NAV3: variants seen among roughly 807,000 people sequenced by gnomAD.
NAV3 encodes pore membrane and/or filament interacting like protein 1.
Under a neutral mutation model 244.7 loss-of-function variants are expected in NAV3, and 87 were observed. That is an observed-to-expected ratio of 0.36 (90% confidence interval 0.30 to 0.42). The LOEUF (loss-of-function observed/expected upper bound fraction) is 0.42, where lower values mean the gene tolerates loss of function less well. Among genes scored for constraint, NAV3 ranks in the 20% least tolerant of loss-of-function variants. The pLI, the probability that NAV3 is intolerant of heterozygous loss-of-function variation, is 1.00. For synonymous variants in NAV3, 1,126 were observed against 1,042.2 expected, an observed-to-expected ratio of 1.08 and a Z score of -1.55; for missense variants, 2,663 against 2,893.3, an observed-to-expected ratio of 0.92 and a Z score of 1.83.
At chr12:77,938,119 G>T (rs568636067) in intron 1 of NAV3, among the ~76,000 whole-genome samples, 2 of 152,192 alleles carry the variant, frequency 1.3e-5, no homozygotes, top group African/African-American at 4.8e-5. Flanking sequence ...CCCAGTCTTT[G>T]CCTATGGACA....
intron 2 of NAV3, among the ~76,000 whole-genome samples, chr12:77,625,861 A>G (rs1871597787): frequency 1.3e-5 from 2 of 152,230 alleles, no homozygotes; most frequent in African/African-American, 4.8e-5. Flanking sequence ...GTGCTTATAT[A>G]TCAACATAAG....
intron 12 of NAV3, among the ~76,000 whole-genome samples, chr12:78,075,342 A>G (rs1952991606): frequency 6.6e-6 from 1 of 152,210 alleles, no homozygotes; most frequent in South Asian, 2.1e-4. Flanking sequence ...ATATTTATAA[A>G]ATGAATGAAA....
intron 2 of NAV3, among the ~76,000 whole-genome samples, chr12:77,716,859 T>C (rs1876384969): frequency 6.6e-6 from 1 of 152,042 alleles, no homozygotes; most frequent in African/African-American, 2.4e-5. Context: ...AAATGTGATA[T>C]GCATGAAGCA....
chr12:77,739,112 A>G (rs1182985862), intron 2 of NAV3, among the ~76,000 whole-genome samples: 2 of 150,926 alleles, frequency 1.3e-5, no homozygotes, highest in Non-Finnish European at 3.0e-5. Context: ...ATTTGAGGCA[A>G]GGAATTAGCC....
intron 5 of NAV3, among the ~76,000 whole-genome samples, chr12:77,982,020 A>C (rs1226089485): frequency 6.6e-6 from 1 of 152,222 alleles, no homozygotes. Flanking sequence ...ATTTCTTAAT[A>C]TAGATGAAGA....
intron 1 of NAV3, among the ~76,000 whole-genome samples, chr12:77,835,714 C>A (rs1423162906): frequency 6.6e-6 from 1 of 152,158 alleles, no homozygotes; most frequent in African/African-American, 2.4e-5. Flanking sequence ...AAATTGGTAT[C>A]GTCTCCTCCT....
intron 2 of NAV3, among the ~76,000 whole-genome samples, chr12:77,658,799 AC>A (rs1464233537): frequency 1.3e-5 from 2 of 151,730 alleles, no homozygotes; most frequent in East Asian, 3.9e-4. Context: ...CTCAGAAATA[AC>A]GCCGCATATC....
At chr12:77,616,236 G>A (rs572234435) in intron 2 of NAV3, among the ~76,000 whole-genome samples, 83 of 151,696 alleles carry the variant, frequency 5.5e-4, no homozygotes, top group African/African-American at 1.7e-3. Flanking sequence ...GTGAAACCCC[G>A]TCTCTACTAA....
chr12:78,001,209 A>G (rs1382800536), intron 7 of NAV3, among the ~76,000 whole-genome samples: 2 of 152,164 alleles, frequency 1.3e-5, no homozygotes, highest in Non-Finnish European at 2.9e-5. Flanking sequence ...ACTGTATTAT[A>G]TTGATAGAAC....
chr12:77,790,251 G>A (rs993881375), intron 2 of NAV3, among the ~76,000 whole-genome samples: 5 of 152,040 alleles, frequency 3.3e-5, no homozygotes, highest in South Asian at 2.1e-4. Flanking sequence ...AACTAAACTG[G>A]TTTTCTTCAC....
At chr12:77,900,507 G>A (rs1346927336) in intron 1 of NAV3, among the ~76,000 whole-genome samples, 3 of 152,126 alleles carry the variant, frequency 2.0e-5, no homozygotes, top group Non-Finnish European at 2.9e-5. Flanking sequence ...TTACAACTAA[G>A]TAGATGATTT....
intron 13 of NAV3, 135 bp downstream of exon 13, chr12:78,117,039 G>T: frequency 9.7e-7 from 1 of 1,032,108 alleles, no homozygotes; most frequent in Non-Finnish European, 1.4e-6. Context: ...GAGATAATAA[G>T]GACTCCCTTT....
At chr12:77,961,969 AATTT>A (rs1204389433) in intron 3 of NAV3, among the ~76,000 whole-genome samples, 3 of 152,006 alleles carry the variant, frequency 2.0e-5, no homozygotes, top group Non-Finnish European at 2.9e-5. Context: ...ACCTTTCATG[AATTT>A]ATTTATTTAA....
intron 2 of NAV3, among the ~76,000 whole-genome samples, chr12:77,707,528 G>T (rs768410040): frequency 5.9e-5 from 9 of 152,180 alleles, no homozygotes; most frequent in Non-Finnish European, 1.2e-4. Context: ...ATATATGTGT[G>T]CATGTGTCTT....
intron 2 of NAV3, among the ~76,000 whole-genome samples, chr12:77,622,610 C>T (rs924274395): frequency 1.9e-4 from 25 of 132,792 alleles, no homozygotes; most frequent in African/African-American, 6.9e-4. Flanking sequence ...AGACAAAAGA[C>T]AGGAGACTTA....
chr12:77,909,922 T>C (rs1886403547), intron 1 of NAV3, among the ~76,000 whole-genome samples: 1 of 152,090 alleles, frequency 6.6e-6, no homozygotes, highest in South Asian at 2.1e-4. Context: ...CTAAGATATG[T>C]CATTATATAT....
intron 24 of NAV3, among the ~76,000 whole-genome samples, chr12:78,173,598 G>A (rs899443765): frequency 1.3e-5 from 2 of 151,382 alleles, no homozygotes; most frequent in East Asian, 1.9e-4. Context: ...AAAGGATACC[G>A]GATTCCTTTA....
rs754262779 is a variant in NAV3, at chr12:78,122,219, T to G, written c.4029T>G (p.Gly1343=). The change falls in exon 16 of 40, where the codon GGT becomes GGG. Residue 1343 remains glycine, a synonymous_variant. Transcript: ENST00000397909. ...CGGTTCACTCTTTCACATCAGGTGG[T>G]CTCGTGTGGGCTGCCAATATGAGCA... ...PASVHSFTSG[G]LVWAANMSSS... The G allele has an allele frequency of 1.2e-6, 2 of 1,614,138 alleles. No individual in the cohort carries two copies. Among genetic ancestry groups the G allele is most frequent in the Non-Finnish European group, 8.5e-7 (1 of 1,180,026 alleles).
At chr12:77,643,513 C>T (rs1476258347) in intron 2 of NAV3, among the ~76,000 whole-genome samples, 3 of 151,500 alleles carry the variant, frequency 2.0e-5, no homozygotes, top group African/African-American at 4.8e-5. Context: ...CTTAGATGTT[C>T]AATGAATATC....
Sources: gnomAD v4.1 joint callset for allele counts (sites outside exome capture counted in the v4.1 genomes callset) on GRCh38, gnomAD v4.1.1 for gene constraint, MANE v1.5 for transcripts, NCBI Gene and HGNC (gene_info 2026-07-23, HGNC 2026-07-21) for gene names.